MTX2: variants seen among roughly 807,000 people sequenced by gnomAD.
MTX2 encodes the protein metaxin-2.
MTX2 carries 35 observed loss-of-function variants against 42.3 expected under a neutral mutation model. The observed-to-expected ratio is 0.83, with a 90% CI of 0.63 to 1.10. MTX2 has a LOEUF of 1.10. Ranked by LOEUF, MTX2 falls within the 50% of genes least tolerant of loss-of-function variation. MTX2 has a pLI of 0.00. For missense variants in MTX2, 307 were observed against 304.1 expected (o/e 1.01, Z -0.07); for synonymous variants, 119 against 100.9 (o/e 1.18, Z -1.08).
intron 3 of MTX2, among the ~76,000 whole-genome samples, chr2:176,321,758 G>A (rs985719972): frequency 1.3e-5 from 2 of 152,116 alleles, no homozygotes; most frequent in African/African-American, 4.8e-5. Flanking sequence ...AGTTGTAAGG[G>A]AGCCCGGAAA....
intron 2 of MTX2, 66 bp downstream of exon 2, chr2:176,296,973 G>C: frequency 6.9e-7 from 1 of 1,453,828 alleles, no homozygotes; most frequent in Non-Finnish European, 9.6e-7. Flanking sequence ...AAAATCCTCA[G>C]TAATACAATT....
chr2:176,335,270 G>A (rs1684962642), intron 9 of MTX2, among the ~76,000 whole-genome samples: 1 of 152,030 alleles, frequency 6.6e-6, no homozygotes, highest in South Asian at 2.1e-4. Flanking sequence ...GCTTGAGTTT[G>A]TTACGTTCAA....
At chr2:176,333,382 C>CT (rs566377729) in intron 9 of MTX2, among the ~76,000 whole-genome samples, 1 of 151,580 alleles carries the variant, frequency 6.6e-6, no homozygotes, top group East Asian at 1.9e-4. Context: ...TGTTACTTGT[C>CT]TTTTTGTTAA....
chr2:176,269,857 A>G (rs953717957), intron 1 of MTX2, among the ~76,000 whole-genome samples, 188 bp downstream of exon 1: 2 of 152,126 alleles, frequency 1.3e-5, no homozygotes, highest in African/African-American at 4.8e-5. Flanking sequence ...CACTTGGCCA[A>G]GGTCACCCCG....
At chr2:176,328,842 C>A (rs754416144) in intron 6 of MTX2, 32 bp from the exon 7 acceptor site, 13 of 1,591,340 alleles carry the variant, frequency 8.2e-6, no homozygotes, top group Non-Finnish European at 8.6e-7. Context: ...CTTTGGTATT[C>A]TAAAGTTTAG....
At chr2:176,315,784 G>A (rs1684421154) in intron 3 of MTX2, among the ~76,000 whole-genome samples, 1 of 152,142 alleles carries the variant, frequency 6.6e-6, no homozygotes, top group Non-Finnish European at 1.5e-5. Context: ...TGAAGCACAA[G>A]CCTGCTTCAG....
Position 176,269,569 on chromosome 2 carries a change from C to A in MTX2, c.-61C>A. ...TAACTGCCGAGAGCCTCCGGGTTTG[C>A]GGTGGAGGACGCTGAGGCCCGTGGG... On this transcript the variant is annotated 5_prime_UTR_variant, in exon 1 of 10. Transcript: ENST00000249442. 1.3e-6 allele frequency: 2 copies of A among 1,519,644 alleles called. No individual in the cohort carries two copies. The highest frequency in any genetic ancestry group is 8.8e-7 in the Non-Finnish European group (1 of 1,133,476). 94.1% of individuals were successfully genotyped at this position (1,519,644 alleles called of 1,614,324 possible). A position where few individuals can be genotyped will look rare whatever the true frequency, so the allele number is the denominator to read the frequency against.
rs151145806 is a variant in MTX2, at chr2:176,297,869, G to A, written c.109G>A (p.Asp37Asn). 7.7e-6 allele frequency: 12 copies of A among 1,560,044 alleles called. No homozygotes were observed. The highest frequency in any genetic ancestry group is 1.8e-5 in the Admixed American group (1 of 56,402). Residue 37 changes from aspartate to asparagine, a missense_variant, in exon 3 of 10, where the codon GAC (aspartate) becomes AAC (asparagine). Coordinates refer to ENST00000249442, the MANE Select transcript of MTX2 (RefSeq NM_006554.5). ...QLKGEQILLS[D>N]NAASLAVQAF... ...CACAGGGGAGCAAATTTTACTTTCT[G>A]ACAATGCAGCTTCTCTTGCAGTGCA...
Position 176,305,038 on chromosome 2 carries a change from C to G in MTX2, c.135+7143C>G, listed in dbSNP as rs530665649. Among the ~76,000 whole-genome samples the G allele has an allele frequency of 2.0e-5, 3 of 152,004 alleles. No individual in the cohort carries two copies. In the South Asian group the frequency reaches 6.2e-4, roughly 32 times the overall value. On this transcript the variant is annotated intron_variant, in intron 3 of 9. Coordinates refer to ENST00000249442, the MANE Select transcript of MTX2 (RefSeq NM_006554.5). ...GGCAATTCTTTAAAATTTTGAATTACTTTTATATTTTTATTGGCAAGCAAT... is the reference window on the plus strand; with the variant it reads ...GGCAATTCTTTAAAATTTTGAATTAGTTTTATATTTTTATTGGCAAGCAAT...
At chr2:176,284,569 G>T (rs1375175346) in intron 1 of MTX2, among the ~76,000 whole-genome samples, 1 of 152,066 alleles carries the variant, frequency 6.6e-6, no homozygotes, top group African/African-American at 2.4e-5. Context: ...AAACTATCAT[G>T]TTACCACTTT....
At chr2:176,296,506 A>G (rs1260166891) in intron 1 of MTX2, among the ~76,000 whole-genome samples, 1 of 152,168 alleles carries the variant, frequency 6.6e-6, no homozygotes, top group Non-Finnish European at 1.5e-5. Flanking sequence ...ATCTTTTTAT[A>G]CATATGAGTA....
intron 1 of MTX2, 21 bp downstream of exon 1, chr2:176,269,690 C>G (rs1464755176): frequency 6.3e-7 from 1 of 1,587,976 alleles, no homozygotes; most frequent in East Asian, 2.3e-5. Context: ...TGGCCGCAGA[C>G]CCAGAAGGTG....
At chr2:176,307,472 G>A (rs901824292) in intron 3 of MTX2, among the ~76,000 whole-genome samples, 1 of 152,168 alleles carries the variant, frequency 6.6e-6, no homozygotes, top group African/African-American at 2.4e-5. Flanking sequence ...GGATGGCATT[G>A]AATCTATAAA....
rs1685039720 is a variant in MTX2, at chr2:176,338,008, G to GTGTC, written c.*346_*349dup. 6.3e-6 allele frequency: 1 copy of GTGTC among 159,638 alleles called. No homozygotes were observed. Among genetic ancestry groups the GTGTC allele is most frequent in the African/African-American group, 2.4e-5 (1 of 41,702 alleles). The allele number at this position is 159,638 out of a possible 1,614,324, so 9.9% of individuals were successfully genotyped here. A position where few individuals can be genotyped will look rare whatever the true frequency, so the allele number is the denominator to read the frequency against. On this transcript the variant is annotated 3_prime_UTR_variant, in exon 10 of 10. Coordinates refer to ENST00000249442, the MANE Select transcript of MTX2 (RefSeq NM_006554.5). ...GAATTTTACACATGTGGAATAAACA[G>GTGTC]TGTCTTTTCTAAGGCAAGTAATTTG...
At chr2:176,334,850 G>A (rs1461855293) in intron 9 of MTX2, among the ~76,000 whole-genome samples, 1 of 151,908 alleles carries the variant, frequency 6.6e-6, no homozygotes. Context: ...TGTAGTGAGG[G>A]AAACAGTTAA....
chr2:176,285,757 A>G (rs935223158), intron 1 of MTX2, among the ~76,000 whole-genome samples: 1 of 152,092 alleles, frequency 6.6e-6, no homozygotes, highest in Non-Finnish European at 1.5e-5. Context: ...TCATATGGAT[A>G]TGCTGCATTA....
At chr2:176,280,500 C>T (rs1442409983) in intron 1 of MTX2, among the ~76,000 whole-genome samples, 1 of 152,176 alleles carries the variant, frequency 6.6e-6, no homozygotes, top group Non-Finnish European at 1.5e-5. Flanking sequence ...TTTATGAATC[C>T]TGTGGGTCAG....
chr2:176,316,286 G>A (rs1684435474), intron 3 of MTX2, among the ~76,000 whole-genome samples: 1 of 152,196 alleles, frequency 6.6e-6, no homozygotes, highest in African/African-American at 2.4e-5. Flanking sequence ...ATGTCATCTT[G>A]TATAATTCAG....
At chr2:176,292,336 T>G (rs1259390096) in intron 1 of MTX2, among the ~76,000 whole-genome samples, 1 of 152,210 alleles carries the variant, frequency 6.6e-6, no homozygotes, top group East Asian at 1.9e-4. Context: ...TAGTAAAATA[T>G]AAAAATGTTT....
Sources: allele counts gnomAD v4.1 joint callset (sites outside exome capture counted in the v4.1 genomes callset), GRCh38; gene constraint gnomAD v4.1.1; transcripts MANE v1.5; gene names NCBI Gene and HGNC (gene_info 2026-07-23, HGNC 2026-07-21).